Variants in ZNF385D observed in about 807,000 individuals in gnomAD.
The protein encoded by ZNF385D is zinc finger protein 659.
A neutral mutation model predicts 35.8 loss-of-function variants in ZNF385D; 15 were observed. The observed-to-expected ratio is 0.42, with a 90% CI of 0.28 to 0.64. ZNF385D has a LOEUF of 0.64. Among genes scored for constraint, ZNF385D ranks in the 30% least tolerant of loss-of-function variants. The probability of loss-of-function intolerance (pLI) is 0.23; values close to 1 mark genes in which losing one functional copy is unlikely to be tolerated. For synonymous variants in ZNF385D, 212 were observed against 186.8 expected (o/e 1.13, Z -1.10); for missense variants, 474 against 494.6 (o/e 0.96, Z 0.39).
chr3:22,158,679 T>TACAC (rs141782698), intron 3 of ZNF385D, among the ~76,000 whole-genome samples: 1 of 149,832 alleles, frequency 6.7e-6, no homozygotes. Context: ...CACACACACA[T>TACAC]ACACACACAC....
At chr3:21,682,661 G>C (rs1252272413) in intron 1 of ZNF385D, among the ~76,000 whole-genome samples, 1 of 149,912 alleles carries the variant, frequency 6.7e-6, no homozygotes, top group Non-Finnish European at 1.5e-5. Context: ...TACAAAATTA[G>C]AGCAAGTTAG....
At chr3:22,056,942 C>A (rs1699432777) in intron 3 of ZNF385D, among the ~76,000 whole-genome samples, 1 of 152,180 alleles carries the variant, frequency 6.6e-6, no homozygotes, top group South Asian at 2.1e-4. Flanking sequence ...TCATTTTCAC[C>A]AAAATTGCAT....
chr3:21,954,430 C>G (rs1249451761), intron 3 of ZNF385D, among the ~76,000 whole-genome samples: 2 of 151,906 alleles, frequency 1.3e-5, no homozygotes, highest in Non-Finnish European at 2.9e-5. Context: ...TATAGGCTCA[C>G]AAGGATCTAA....
At chr3:22,294,367 C>CA (rs1338016289) in intron 2 of ZNF385D, among the ~76,000 whole-genome samples, 3 of 151,990 alleles carry the variant, frequency 2.0e-5, no homozygotes. Flanking sequence ...TCATATTTTT[C>CA]AATATCTCCT....
intron 2 of ZNF385D, among the ~76,000 whole-genome samples, chr3:22,174,471 A>T (rs1325066129): frequency 6.6e-6 from 1 of 152,182 alleles, no homozygotes; most frequent in Non-Finnish European, 1.5e-5. Context: ...TTACAAAGTC[A>T]TACGACTCTA....
intron 2 of ZNF385D, among the ~76,000 whole-genome samples, chr3:21,582,517 A>C (rs1004964115): frequency 6.6e-6 from 1 of 152,178 alleles, no homozygotes; most frequent in Admixed American, 6.5e-5. Context: ...TAATAAGTTA[A>C]AGAAACTAAT....
intron 3 of ZNF385D, among the ~76,000 whole-genome samples, chr3:21,524,042 G>A (rs1026794946): frequency 3.9e-5 from 6 of 152,196 alleles, no homozygotes; most frequent in Non-Finnish European, 5.9e-5. Flanking sequence ...TCTCAAAGAT[G>A]CCTTGCAGGT....
In ZNF385D at chr3:22,087,004, G is replaced by C. The variant is rs561753597; in HGVS notation, c.325+81813C>G. On this transcript the variant is annotated intron_variant, in intron 3 of 5. Coordinates refer to the ZNF385D transcript ENST00000494108. ...TGTAAATGACAAGTTAATGGGTGCA[G>C]GACGCCAACATGGCACACGCATACA... Among the ~76,000 whole-genome samples, 3 of 152,016 alleles carry C rather than the reference G, an allele frequency of 2.0e-5. No homozygotes were observed. The East Asian group carries it at 5.8e-4, about 29-fold the overall frequency.
intron 2 of ZNF385D, among the ~76,000 whole-genome samples, chr3:22,263,518 C>T (rs1017451202): frequency 1.1e-4 from 17 of 151,926 alleles, no homozygotes; most frequent in African/African-American, 4.1e-4. Context: ...TGAATGGATG[C>T]AATATTATAC....
intron 2 of ZNF385D, among the ~76,000 whole-genome samples, chr3:22,310,925 TTTTG>T (rs1703504543): frequency 6.6e-6 from 1 of 151,912 alleles, no homozygotes; most frequent in Non-Finnish European, 1.5e-5. Context: ...CAGTGTTTAA[TTTTG>T]TTTATGAAGT....
At chr3:21,754,937 G>A (rs1036376041), upstream of ZNF385D, among the ~76,000 whole-genome samples, 1 of 152,202 alleles carries the variant, frequency 6.6e-6, no homozygotes, top group African/African-American at 2.4e-5. Flanking sequence ...TGTGCCTGAA[G>A]TCAGTTCTTT....
intron 3 of ZNF385D, among the ~76,000 whole-genome samples, chr3:21,946,048 T>G (rs1701766423): frequency 6.6e-6 from 1 of 152,180 alleles, no homozygotes; most frequent in African/African-American, 2.4e-5. Flanking sequence ...AACTAGCTGA[T>G]TTAGCTGACC....
At chr3:22,181,667 C>A (rs549295239) in intron 2 of ZNF385D, among the ~76,000 whole-genome samples, 2 of 145,978 alleles carry the variant, frequency 1.4e-5, no homozygotes, top group East Asian at 2.0e-4. Context: ...CACTGCACTC[C>A]GGCCTGGGCG....
intron 3 of ZNF385D, among the ~76,000 whole-genome samples, chr3:22,048,994 T>A (rs1290234201): frequency 6.6e-6 from 1 of 152,116 alleles, no homozygotes; most frequent in Non-Finnish European, 1.5e-5. Flanking sequence ...TCATTGTTAG[T>A]GTATAGAAAT....
chr3:22,005,083 AAG>A (rs1559840837), intron 3 of ZNF385D, among the ~76,000 whole-genome samples: 1 of 117,306 alleles, frequency 8.5e-6, no homozygotes, highest in Non-Finnish European at 1.7e-5. Flanking sequence ...AAAAAAAAAA[AAG>A]GCAGAAAAGC....
chr3:22,243,472 C>A (rs1699602496), intron 2 of ZNF385D, among the ~76,000 whole-genome samples: 1 of 150,862 alleles, frequency 6.6e-6, no homozygotes, highest in African/African-American at 2.5e-5. Flanking sequence ...TGTAATTATA[C>A]CCTATAGCAA....
At chr3:21,994,746 G>A (rs1292995708) in intron 3 of ZNF385D, among the ~76,000 whole-genome samples, 2 of 152,156 alleles carry the variant, frequency 1.3e-5, no homozygotes, top group African/African-American at 2.4e-5. Context: ...AGGGTGCTTT[G>A]GCTTTGATTT....
chr3:21,509,578 T>C (rs968466231), intron 4 of ZNF385D, among the ~76,000 whole-genome samples: 41 of 152,218 alleles, frequency 2.7e-4, no homozygotes, highest in African/African-American at 9.6e-4. Context: ...CCTGTCTTTT[T>C]TTTTCCTCTT....
Position 22,107,026 on chromosome 3 carries a change from G to GTTTT in ZNF385D, c.325+61787_325+61790dup, listed in dbSNP as rs10676871. On this transcript the variant is annotated intron_variant, in intron 3 of 5. Transcript: ENST00000494108. Reference sequence around the variant, plus strand: ...TTTATGCAAAAACTTTGGAATGAGAGTTTTTTTTTTTTTTTTAGACAGAGT... The same window carrying GTTTT: ...TTTATGCAAAAACTTTGGAATGAGAGTTTTTTTTTTTTTTTTTTTTAGACAGAGT... 1.5e-3 allele frequency among the ~76,000 whole-genome samples: 177 copies of GTTTT among 118,826 alleles called. 12 individuals are homozygous for GTTTT. Among genetic ancestry groups the GTTTT allele is most frequent in the Admixed American group, 2.5e-3 (29 of 11,618 alleles). 78.0% of individuals were successfully genotyped at this position (118,826 alleles called of 152,430 possible).
Sources: allele counts gnomAD v4.1 joint callset (sites outside exome capture counted in the v4.1 genomes callset), GRCh38; gene constraint gnomAD v4.1.1; transcripts MANE v1.5; gene names NCBI Gene and HGNC (gene_info 2026-07-23, HGNC 2026-07-21).